MYO10: variants seen among roughly 807,000 people sequenced by gnomAD.
The protein encoded by MYO10 is myosin X, also known as unconventional myosin-X.
MYO10 carries 133 observed loss-of-function variants against 257.3 expected under a neutral mutation model. The ratio of observed to expected loss-of-function variants is 0.52; its 90% confidence interval spans 0.45 to 0.60. MYO10 has a LOEUF of 0.60. MYO10 is among the 20% of genes least tolerant of loss of function. The pLI is 0.00. For missense variants in MYO10, 2,399 were observed against 2,635.7 expected (o/e 0.91, Z 1.97); for synonymous variants, 1,104 against 1,028.6 (o/e 1.07, Z -1.40).
At chr5:16,880,248 C>T (rs1744719850) in intron 1 of MYO10, among the ~76,000 whole-genome samples, 1 of 93,656 alleles carries the variant, frequency 1.1e-5, no homozygotes, top group Non-Finnish European at 2.3e-5. Context: ...ACTCGGGATC[C>T]ATAGTTGTCA....
chr5:16,665,831 C>CTGTT lies in MYO10; in HGVS notation c.*857_*860dup, dbSNP rs1397347971. ...TACAGTTATCTTGTAGGCTGCTTAT[C>CTGTT]TGTTTATAATACAGCAGACACAGAT... is the stretch of plus-strand genomic sequence containing the variant. On this transcript the variant is annotated 3_prime_UTR_variant, in exon 41 of 41. Transcript: ENST00000513610. 1.2e-4 allele frequency: 19 copies of CTGTT among 152,736 alleles called. No homozygotes were observed. The highest frequency in any genetic ancestry group is 9.2e-4 in the Admixed American group (14 of 15,300). 9.5% of individuals were successfully genotyped at this position (152,736 alleles called of 1,614,324 possible).
chr5:16,935,792 G>A lies in MYO10; in HGVS notation c.17C>T (p.Thr6Ile). 6.2e-7 allele frequency: 1 copy of A among 1,613,430 alleles called. No individual in the cohort carries two copies. Among genetic ancestry groups the A allele is most frequent in the Non-Finnish European group, 8.5e-7 (1 of 1,179,730 alleles). Residue 6 changes from threonine to isoleucine, a missense_variant, in exon 1 of 41, where the codon ACC becomes ATC. Physicochemically the swap from Thr to Ile is moderately conservative, Grantham distance 89. Transcript: ENST00000513610. MDNFF[T>I]EGTRVWLREN... Reference sequence around the variant, plus strand: ...TCGGACTGGGAGCGCACTTACCTCGGTGAAGAAGTTATCCATTGTTCCAGC... The same window carrying A: ...TCGGACTGGGAGCGCACTTACCTCGATGAAGAAGTTATCCATTGTTCCAGC...
In MYO10 at chr5:16,916,405, TAAAAAAA is replaced by T. The variant is rs71596001; in HGVS notation, c.21+19376_21+19382del. 7.9e-3 allele frequency: 824 copies of T among 104,274 alleles called. 5 individuals are homozygous for T. The highest frequency in any genetic ancestry group is 0.01 in the Non-Finnish European group (547 of 54,108). 6.5% of individuals were successfully genotyped at this position (104,274 alleles called of 1,614,324 possible). A position where few individuals can be genotyped will look rare whatever the true frequency, so the allele number is the denominator to read the frequency against. On this transcript the variant is annotated intron_variant, in intron 1 of 40. Transcript: ENST00000513610. The stretch of plus-strand genomic sequence containing the variant: ...CTTCCAATGTCAAAAAGCCATGAAG[TAAAAAAA>T]AAAAAAAAAAAAAAAATCAGATTAC...
At chr5:16,852,961 TAGTG>T (rs762541176) in intron 2 of MYO10, among the ~76,000 whole-genome samples, 1 of 152,088 alleles carries the variant, frequency 6.6e-6, no homozygotes, top group Non-Finnish European at 1.5e-5. Flanking sequence ...ACGTCAGGAC[TAGTG>T]AGGGTAGAAC....
chr5:16,701,877 T>C lies in MYO10; in HGVS notation c.2557-39A>G, dbSNP rs369292701. 270 of 1,545,236 alleles carry C rather than the reference T, an allele frequency of 1.7e-4. 3 individuals carry two copies. The South Asian group carries it at 3.0e-3, about 17-fold the overall frequency. ...GAAGGGAGATTTCAGAAGGCTTCAG[T>C]ACAAAAGTCCAAGCATAGCTCCCGC... On this transcript the variant is annotated intron_variant, in intron 24 of 40. Coordinates refer to ENST00000513610, the MANE Select transcript of MYO10 (RefSeq NM_012334.3). The surrounding 1 kb of genome is among the most constrained non-coding windows in gnomAD (Gnocchi z 8.1).
rs781647556 is a variant in MYO10 at position 16,664,048 on chromosome 5, C to G, written c.*2644G>C. Reference sequence around the variant, plus strand: ...GGTTCTGTGGCTAGGGGAAGCTCAACGGTACTTTGTCAGCTGTGATGCTGC... The same window carrying G: ...GGTTCTGTGGCTAGGGGAAGCTCAAGGGTACTTTGTCAGCTGTGATGCTGC... On this transcript the variant is annotated 3_prime_UTR_variant, in exon 41 of 41. Transcript: ENST00000513610. The G allele has an allele frequency of 6.6e-6, 1 of 152,118 alleles. No individual in the cohort carries two copies. The highest frequency in any genetic ancestry group is 1.5e-5 in the Non-Finnish European group (1 of 68,048). The allele number at this position is 152,118 out of a possible 1,614,324, so 9.4% of individuals were successfully genotyped here. A position where few individuals can be genotyped will look rare whatever the true frequency, so the allele number is the denominator to read the frequency against.
At chr5:16,807,069 A>G (rs1417346450) in intron 3 of MYO10, among the ~76,000 whole-genome samples, 2 of 152,204 alleles carry the variant, frequency 1.3e-5, no homozygotes, top group Non-Finnish European at 2.9e-5. Flanking sequence ...TATGGCAGCT[A>G]AAGGGAAGAG....
At chr5:16,910,151 A>C (rs1745622479) in intron 1 of MYO10, among the ~76,000 whole-genome samples, 1 of 152,212 alleles carries the variant, frequency 6.6e-6, no homozygotes, top group Admixed American at 6.5e-5. Context: ...AATTGTTCTG[A>C]AACTAGAGGT....
At position 16,766,476 on chromosome 5, in the gene MYO10, C is replaced by CCAGG. The variant is rs561325622; in HGVS notation, c.1061-282_1061-279dup. Among the ~76,000 whole-genome samples, 85 of 152,318 alleles carry CCAGG rather than the reference C, an allele frequency of 5.6e-4. 2 individuals carry two copies. In the South Asian group the frequency reaches 0.017, roughly 30 times the overall value. ...TTGAGACGGAGTCTCGCTCTGTCGC[C>CCAGG]CAGGCTGGAGTGCAATGATCTCGGT... On this transcript the variant is annotated intron_variant, in intron 10 of 40. Transcript: ENST00000513610.
intron 2 of MYO10, among the ~76,000 whole-genome samples, chr5:16,827,955 T>C (rs193105810): frequency 3.3e-5 from 5 of 152,162 alleles, no homozygotes; most frequent in Admixed American, 3.3e-4. Context: ...GAGTTCAATT[T>C]CTTGGTATCA....
chr5:16,872,321 A>C (rs1744476470), intron 2 of MYO10, among the ~76,000 whole-genome samples: 2 of 152,234 alleles, frequency 1.3e-5, no homozygotes. Context: ...GAGTCCACTC[A>C]CTGAAGTATT....
intron 5 of MYO10, among the ~76,000 whole-genome samples, chr5:16,782,912 C>A (rs25906): frequency 0.16 from 23,730 of 152,118 alleles, 1,897 homozygotes; most frequent in Middle Eastern, 0.17. Flanking sequence ...GAACCCTGCT[C>A]GTCTCCACGC....
At chr5:16,881,181 G>A (rs1744745964) in intron 1 of MYO10, among the ~76,000 whole-genome samples, 1 of 152,144 alleles carries the variant, frequency 6.6e-6, no homozygotes. Flanking sequence ...TCACACACCT[G>A]TTTCCCAATC....
rs1740969016 is a variant in MYO10, at chr5:16,769,090, C to T, written c.1044G>A (p.Gln348=). 1 of 1,611,140 alleles carries T rather than the reference C, an allele frequency of 6.2e-7. No homozygotes were observed. Among genetic ancestry groups the T allele is most frequent in the Non-Finnish European group, 8.5e-7 (1 of 1,178,982 alleles). The change falls in exon 10 of 41, where the codon CAG becomes CAA. Residue 348 remains glutamine (Q), a synonymous_variant. Transcript: ENST00000513610. ...NIEFITAGGA[Q]VSFKTALGRS... ...TAATCTTACCTGTTTTGAAGGAAAC[C>T]TGTGCCCCACCAGCAGTGATAAATT...
At chr5:16,822,018 G>T (rs72732253) in intron 2 of MYO10, among the ~76,000 whole-genome samples, 20,248 of 151,684 alleles carry the variant, frequency 0.13, 1,449 homozygotes, top group South Asian at 0.27. Context: ...AAATGTATTT[G>T]TGGAGGAAAA....
chr5:16,761,561 T>A lies in MYO10; in HGVS notation c.1657-15A>T. On this transcript the variant is annotated splice_polypyrimidine_tract_variant and intron_variant, in intron 16 of 40. Transcript: ENST00000513610. ...TCATATTGCACCTAGTTTTAATAAA[T>A]AAGAGAGGAGAAAACTGATTGAAAG... 2 of 1,589,156 alleles carry A rather than the reference T, an allele frequency of 1.3e-6. No homozygotes were observed. The highest frequency in any genetic ancestry group is 1.7e-6 in the Non-Finnish European group (2 of 1,158,028).
At chr5:16,872,104 C>A (rs549435034) in intron 2 of MYO10, among the ~76,000 whole-genome samples, 5 of 152,192 alleles carry the variant, frequency 3.3e-5, no homozygotes, top group Non-Finnish European at 7.3e-5. Flanking sequence ...CTAAGAGCTG[C>A]CCATGGACAA....
rs77577981 is a variant in MYO10 at position 16,894,777 on chromosome 5, G to C, written c.22-17070C>G. ...ATGTGGGGATACACAGAGGACTGGA[G>C]CCTGCGGTGTTGGAGGGGAAGCCAG... is the stretch of plus-strand genomic sequence containing the variant. On this transcript the variant is annotated intron_variant, in intron 1 of 40. Coordinates refer to ENST00000513610, the MANE Select transcript of MYO10 (RefSeq NM_012334.3). 8.8e-4 allele frequency among the ~76,000 whole-genome samples: 134 copies of C among 152,308 alleles called. 1 individual carries two copies. Among genetic ancestry groups the C allele is most frequent in the African/African-American group, 2.8e-3 (118 of 41,560 alleles).
At chr5:16,713,621 TC>T in intron 19 of MYO10, 1 of 524,582 alleles carries the variant, frequency 1.9e-6, no homozygotes, top group Non-Finnish European at 2.4e-6. Context: ...CCCTGCCCCT[TC>T]CCAGTAACTT....
Sources: gnomAD v4.1 joint callset for allele counts (sites outside exome capture counted in the v4.1 genomes callset) on GRCh38, gnomAD v4.1.1 for gene constraint, Gnocchi (gnomAD v3.1) non-coding constraint, MANE v1.5 for transcripts, NCBI Gene and HGNC (gene_info 2026-07-23, HGNC 2026-07-21) for gene names.